Variants in CERS1 observed in about 807,000 individuals in gnomAD.
CERS1 encodes Embryonic growth/differentiation factor 1.
Under a neutral mutation model 35.7 loss-of-function variants are expected in CERS1, and 16 were observed. The observed-to-expected ratio is 0.45, with a 90% CI of 0.30 to 0.68. The LOEUF is 0.68. Among genes scored for constraint, CERS1 ranks in the 30% least tolerant of loss-of-function variants. The pLI is 0.08. For missense variants in CERS1, 454 were observed against 453.9 expected, an observed-to-expected ratio of 1.00 and a Z score of 0.00; for synonymous variants, 243 against 201.6, an observed-to-expected ratio of 1.21 and a Z score of -1.74.
In CERS1 at chr19:18,877,756, C is replaced by CAAAA. The variant is rs386388683; in HGVS notation, c.1010+1170_1010+1173dup. Among the ~76,000 whole-genome samples, 13 of 103,934 alleles carry CAAAA rather than the reference C, an allele frequency of 1.3e-4. 1 individual carries two copies. Among genetic ancestry groups the CAAAA allele is most frequent in the African/African-American group, 2.0e-4 (5 of 25,364 alleles). The allele number at this position is 103,934 out of a possible 152,430, so 68.2% of individuals were successfully genotyped here. On this transcript the variant is annotated intron_variant, in intron 6 of 7. Transcript: ENST00000623882. ...TGGACGACAGAGTGAGACCCTGTCT[C>CAAAA]AAAAAAAAAAAAAAAAAAGAATTCT...
intron 1 of CERS1, among the ~76,000 whole-genome samples, chr19:18,894,632 A>G (rs1011510939): frequency 6.6e-6 from 1 of 152,038 alleles, no homozygotes; most frequent in Non-Finnish European, 1.5e-5. Flanking sequence ...GAAACTGGGA[A>G]GAAGGCAGGG....
In CERS1 at chr19:18,895,792, G is replaced by A. The variant is rs1173562080; in HGVS notation, c.249+32C>T. The A allele has an allele frequency of 4.6e-5, 54 of 1,167,756 alleles. No homozygotes were observed. Among genetic ancestry groups the A allele is most frequent in the Non-Finnish European group, 5.4e-5 (50 of 930,508 alleles). The allele number at this position is 1,167,756 out of a possible 1,614,324, so 72.3% of individuals were successfully genotyped here. A position where few individuals can be genotyped will look rare whatever the true frequency, so the allele number is the denominator to read the frequency against. Reference sequence around the variant, plus strand: ...CGGTCCCGGCTTCCCCCAGTCCGGGGTCCCCTCGTCCCGGCCCCCGGCCAC... The same window carrying A: ...CGGTCCCGGCTTCCCCCAGTCCGGGATCCCCTCGTCCCGGCCCCCGGCCAC... On this transcript the variant is annotated intron_variant, in intron 1 of 7. Transcript: ENST00000623882. This position sits in a 1 kb window ranked among gnomAD's most constrained non-coding sequence, Gnocchi z 6.4.
At chr19:18,877,523 A>C (rs527456101) in intron 6 of CERS1, among the ~76,000 whole-genome samples, 2 of 152,286 alleles carry the variant, frequency 1.3e-5, no homozygotes, top group African/African-American at 4.8e-5. Context: ...AGGCTAAGGC[A>C]TGTGGACCAC....
At chr19:18,885,948 G>A (rs1291122112) in intron 2 of CERS1, among the ~76,000 whole-genome samples, 1 of 152,150 alleles carries the variant, frequency 6.6e-6, no homozygotes, top group Non-Finnish European at 1.5e-5. Context: ...ACCAAGCGCA[G>A]GGTCTCCCGC....
intron 3 of CERS1, among the ~76,000 whole-genome samples, 162 bp downstream of exon 3, chr19:18,883,925 C>G (rs184212074): frequency 1.3e-3 from 204 of 152,318 alleles, no homozygotes; most frequent in African/African-American, 4.8e-3. Flanking sequence ...TGCCTCTGGT[C>G]TGTCCCCTCG....
Position 18,870,602 on chromosome 19 carries a change from C to A in CERS1, c.1028G>T (p.Gly343Val). ...PSKAEKPLRNGLVKDKRF is the reference protein window; with the variant it reads ...PSKAEKPLRNVLVKDKRF ...TCAGAAGCGCTTGTCCTTCACCAGG[C>A]CGTTCCTCAGTGGCTTCCTGGGGGT... Residue 343 changes from glycine (G) to valine (V), a missense_variant, in exon 7 of 8, where the codon GGC becomes GTC. Transcript: ENST00000623882. This position sits in a 1 kb window ranked among gnomAD's most constrained non-coding sequence, Gnocchi z 5.1. 1 of 585,828 alleles carries A rather than the reference C, an allele frequency of 1.7e-6. No individual in the cohort carries two copies. The highest frequency in any genetic ancestry group is 3.0e-5 in the Admixed American group (1 of 33,124). 36.3% of individuals were successfully genotyped at this position (585,828 alleles called of 1,614,324 possible). A position where few individuals can be genotyped will look rare whatever the true frequency, so the allele number is the denominator to read the frequency against.
At chr19:18,877,742 G>A (rs2056085489) in intron 6 of CERS1, among the ~76,000 whole-genome samples, 1 of 130,710 alleles carries the variant, frequency 7.7e-6, no homozygotes, top group African/African-American at 3.0e-5. Context: ...GGACGACAGA[G>A]TGAGACCCTG....
Position 18,878,310 on chromosome 19 carries a change from C to G in CERS1, c.1010+620G>C, listed in dbSNP as rs1323677284. ...TGGCCCAGACACCCCCTGCCTGCCCCAGGCCTGGGGCTTCGGACACCATCT... is the reference window on the plus strand; with the variant it reads ...TGGCCCAGACACCCCCTGCCTGCCCGAGGCCTGGGGCTTCGGACACCATCT... On this transcript the variant is annotated intron_variant, in intron 6 of 7. Transcript: ENST00000623882. The surrounding 1 kb of genome is among the most constrained non-coding windows in gnomAD (Gnocchi z 4.6). 6.1e-6 allele frequency: 6 copies of G among 985,926 alleles called. No homozygotes were observed. Among genetic ancestry groups the G allele is most frequent in the Non-Finnish European group, 7.2e-6 (6 of 830,526 alleles). 61.1% of individuals were successfully genotyped at this position (985,926 alleles called of 1,614,324 possible).
At chr19:18,890,327 C>T (rs1358033391) in intron 2 of CERS1, among the ~76,000 whole-genome samples, 1 of 152,350 alleles carries the variant, frequency 6.6e-6, no homozygotes, top group Non-Finnish European at 1.5e-5. Flanking sequence ...TGATAGACTG[C>T]GTACTGCACC....
At chr19:18,872,583 T>C (rs1455220832) in intron 6 of CERS1, among the ~76,000 whole-genome samples, 1 of 152,074 alleles carries the variant, frequency 6.6e-6, no homozygotes, top group East Asian at 1.9e-4. Context: ...TGGCACGATC[T>C]TGGCTCACTG....
Position 18,895,962 on chromosome 19 carries a change from G to A in CERS1, c.111C>T (p.Cys37=). 1 of 1,077,458 alleles carries A rather than the reference G, an allele frequency of 9.3e-7. No individual in the cohort carries two copies. The highest frequency in any genetic ancestry group is 1.1e-6 in the Non-Finnish European group (1 of 889,324). The allele number at this position is 1,077,458 out of a possible 1,614,324, so 66.7% of individuals were successfully genotyped here. A position where few individuals can be genotyped will look rare whatever the true frequency, so the allele number is the denominator to read the frequency against. The change falls in exon 1 of 8, where the codon TGC becomes TGT. Residue 37 remains cysteine (C), a synonymous_variant. Coordinates refer to ENST00000623882, the MANE Select transcript of CERS1 (RefSeq NM_021267.5). This position sits in a 1 kb window ranked among gnomAD's most constrained non-coding sequence, Gnocchi z 6.4. ...WGSALAAARG[C]TDCGWGLARR... Reference sequence around the variant, plus strand: ...GCGCCAGCCCCCAGCCGCAGTCCGTGCAGCCCCGCGCCGCCGCCAGCGCGC... The same window carrying A: ...GCGCCAGCCCCCAGCCGCAGTCCGTACAGCCCCGCGCCGCCGCCAGCGCGC...
intron 2 of CERS1, among the ~76,000 whole-genome samples, chr19:18,888,889 C>CTTTTT (rs756124590): frequency 2.4e-4 from 30 of 122,890 alleles, no homozygotes; most frequent in East Asian, 4.8e-4. Context: ...TTCTTTCTTT[C>CTTTTT]TTTTTTTTTT....
At position 18,880,258 on chromosome 19, in the gene CERS1, A is replaced by G; in HGVS notation, c.752+16T>C. On this transcript the variant is annotated intron_variant, in intron 4 of 7. Coordinates refer to ENST00000623882, the MANE Select transcript of CERS1 (RefSeq NM_021267.5). ...GGCCACACCTCCCTCCCTGCCCAGC[A>G]CTCCCTACCACTCACCAGCTGAAGC... 1 of 1,535,132 alleles carries G rather than the reference A, an allele frequency of 6.5e-7. No homozygotes were observed. Among genetic ancestry groups the G allele is most frequent in the Non-Finnish European group, 8.8e-7 (1 of 1,137,592 alleles).
chr19:18,893,996 G>A (rs906595441), intron 1 of CERS1, among the ~76,000 whole-genome samples: 9 of 151,948 alleles, frequency 5.9e-5, no homozygotes, highest in African/African-American at 2.2e-4. Context: ...CGACACAGAG[G>A]GGAGAGGAAG....
rs1210737907 is a variant in CERS1, at chr19:18,895,970, G to GCGA, written c.102_103insTCG (p.Ala34_Arg35insSer). On this transcript the variant is annotated inframe_insertion, in exon 1 of 8. Transcript: ENST00000623882. This position sits in a 1 kb window ranked among gnomAD's most constrained non-coding sequence, Gnocchi z 6.4. Reference sequence around the variant, plus strand: ...CCCCAGCCGCAGTCCGTGCAGCCCCGCGCCGCCGCCAGCGCGCTGCCCCAG... The same window carrying GCGA: ...CCCCAGCCGCAGTCCGTGCAGCCCCGCGACGCCGCCGCCAGCGCGCTGCCCCAG... The GCGA allele has an allele frequency of 7.5e-6, 8 of 1,065,132 alleles. No homozygotes were observed. The highest frequency in any genetic ancestry group is 9.1e-6 in the Non-Finnish European group (8 of 881,334). 66.0% of individuals were successfully genotyped at this position (1,065,132 alleles called of 1,614,324 possible).
intron 3 of CERS1, among the ~76,000 whole-genome samples, chr19:18,882,439 C>A (rs1257157915): frequency 6.6e-6 from 1 of 151,502 alleles, no homozygotes; most frequent in Admixed American, 6.6e-5. Context: ...TCGAGTCCAG[C>A]CTGGCCAACA....
At chr19:18,890,783 G>GAA (rs35488506) in intron 2 of CERS1, among the ~76,000 whole-genome samples, 29,374 of 99,308 alleles carry the variant, frequency 0.3, 4,569 homozygotes, top group Middle Eastern at 0.46. Context: ...CGCGTCTGGG[G>GAA]AAAAAAAAAA....
chr19:18,895,602 C>T lies in CERS1; in HGVS notation c.249+222G>A, dbSNP rs1237248288. On this transcript the variant is annotated intron_variant, in intron 1 of 7. Transcript: ENST00000623882. The surrounding 1 kb of genome is among the most constrained non-coding windows in gnomAD (Gnocchi z 6.4). ...CCCCCGCATCTACCCGGTTCCCCCA[C>T]GCAGCACTGTCTGAAGGGGGCGCGC... 6.6e-6 allele frequency among the ~76,000 whole-genome samples: 1 copy of T among 151,796 alleles called. No homozygotes were observed. The highest frequency in any genetic ancestry group is 2.4e-5 in the African/African-American group (1 of 41,296).
chr19:18,879,508 C>A, intron 4 of CERS1, 120 bp from the exon 5 acceptor site: 2 of 1,223,240 alleles, frequency 1.6e-6, no homozygotes, highest in South Asian at 1.5e-5. Flanking sequence ...CACCTCTGCC[C>A]ACCTGTTTCT....
Sources: allele counts gnomAD v4.1 joint callset (sites outside exome capture counted in the v4.1 genomes callset), GRCh38; gene constraint gnomAD v4.1.1; non-coding constraint Gnocchi (gnomAD v3.1); transcripts MANE v1.5; gene names NCBI Gene and HGNC (gene_info 2026-07-23, HGNC 2026-07-21).